Variants in NUP93 observed in about 807,000 individuals in gnomAD.
The protein encoded by NUP93 is nucleoporin 93.
Under a neutral mutation model 107.8 loss-of-function variants are expected in NUP93, and 55 were observed. The observed-to-expected ratio is 0.51, with a 90% CI of 0.41 to 0.64. The LOEUF is 0.64. Ranked by LOEUF, NUP93 falls within the 30% of genes least tolerant of loss-of-function variation. The pLI is 0.00. For synonymous variants in NUP93, 390 were observed against 397.5 expected, an observed-to-expected ratio of 0.98 and a Z score of 0.22; for missense variants, 937 against 1,044.7, an observed-to-expected ratio of 0.90 and a Z score of 1.42.
Position 56,757,471 on chromosome 16 carries a change from C to G in NUP93, c.180-1067C>G, listed in dbSNP as rs113898842. On this transcript the variant is annotated intron_variant, in intron 2 of 21. Transcript: ENST00000308159. ...GAAAATAAAATAAAATAGACTAGAC[C>G]AGACTAGACCCGACCCGACCTGACC... Among the ~76,000 whole-genome samples the G allele has an allele frequency of 4.5e-3, 678 of 152,212 alleles. 5 individuals are homozygous for G. The highest frequency in any genetic ancestry group is 0.016 in the African/African-American group (654 of 41,522).
chr16:56,782,055 G>C (rs1205243860), intron 3 of NUP93: 25 of 985,050 alleles, frequency 2.5e-5, no homozygotes, highest in Non-Finnish European at 3.0e-5. Context: ...TCTTCTCTCT[G>C]TCCTTCTCCC....
intron 20 of NUP93, chr16:56,839,959 C>T (rs186170478): frequency 5.8e-5 from 13 of 225,276 alleles, no homozygotes; most frequent in African/African-American, 3.0e-4. Flanking sequence ...TAAGTAGTTC[C>T]ATTGGGTACG....
At position 56,743,984 on chromosome 16, in the gene NUP93, C is replaced by T. The variant is rs115444624; in HGVS notation, c.-14-4250C>T. On this transcript the variant is annotated intron_variant, in intron 1 of 21. Transcript: ENST00000308159. ...TGCCTTGCCAAAAGATTCCCAATCA[C>T]GCTCAAGGGCTTAGTCACTGCTGTC... Among the ~76,000 whole-genome samples, 488 of 152,272 alleles carry T rather than the reference C, an allele frequency of 3.2e-3. 4 individuals carry two copies. The highest frequency in any genetic ancestry group is 0.011 in the African/African-American group (450 of 41,550).
intron 10 of NUP93, among the ~76,000 whole-genome samples, chr16:56,831,202 G>A (rs1963777917): frequency 6.6e-6 from 1 of 152,118 alleles, no homozygotes; most frequent in Non-Finnish European, 1.5e-5. Flanking sequence ...ATTTTCCTTG[G>A]ATTTTGCTAA....
intron 1 of NUP93, 21 bp from the exon 2 acceptor site, chr16:56,748,213 T>C (rs1363383401): frequency 1.3e-6 from 2 of 1,527,760 alleles, no homozygotes; most frequent in Non-Finnish European, 1.8e-6. Context: ...TTTAGATCTT[T>C]TCATTTTTTC....
At chr16:56,754,948 T>TG (rs1961991570) in intron 2 of NUP93, among the ~76,000 whole-genome samples, 1 of 152,168 alleles carries the variant, frequency 6.6e-6, no homozygotes, top group African/African-American at 2.4e-5. Flanking sequence ...TTTAAACAAG[T>TG]GGGCCACTAC....
At chr16:56,830,745 C>T in intron 10 of NUP93, 60 bp downstream of exon 10, 2 of 1,387,752 alleles carry the variant, frequency 1.4e-6, no homozygotes, top group South Asian at 1.7e-5. Context: ...GGGCATCCTT[C>T]ACTGTCATTA....
chr16:56,832,444 T>G, intron 12 of NUP93, 56 bp downstream of exon 12: 1 of 1,411,686 alleles, frequency 7.1e-7, no homozygotes, highest in African/African-American at 1.4e-5. Flanking sequence ...AGGTGACTAC[T>G]TCAGTTTTCC....
At chr16:56,791,391 C>A (rs1373124652) in intron 3 of NUP93, among the ~76,000 whole-genome samples, 1 of 152,188 alleles carries the variant, frequency 6.6e-6, no homozygotes, top group African/African-American at 2.4e-5. Flanking sequence ...GTGAAAGAAC[C>A]AATGTGAGCA....
At chr16:56,777,663 C>T (rs752847734) in intron 3 of NUP93, among the ~76,000 whole-genome samples, 1 of 152,172 alleles carries the variant, frequency 6.6e-6, no homozygotes. Flanking sequence ...TGGGTCAGGC[C>T]GTCTCATTTT....
intron 3 of NUP93, among the ~76,000 whole-genome samples, chr16:56,760,704 G>T (rs1447543199): frequency 6.6e-6 from 1 of 152,018 alleles, no homozygotes; most frequent in Non-Finnish European, 1.5e-5. Flanking sequence ...CTCCCACCAG[G>T]CCCCACCCCC....
intron 21 of NUP93, among the ~76,000 whole-genome samples, chr16:56,843,323 G>A (rs1964063096): frequency 6.6e-6 from 1 of 152,226 alleles, no homozygotes; most frequent in South Asian, 2.1e-4. Context: ...GGTGCTCTGT[G>A]TGCTGCTTAC....
In NUP93 at chr16:56,792,665, C is replaced by T. The variant is rs8051623; in HGVS notation, c.298-5811C>T. ...GCTAGAACCAGATGTGTGTAACACA[C>T]TTATACCTGGCACAAAGTGATCACC... On this transcript the variant is annotated intron_variant, in intron 3 of 21. Coordinates refer to ENST00000308159, the MANE Select transcript of NUP93 (RefSeq NM_014669.5). Among the ~76,000 whole-genome samples, 1,354 of 152,294 alleles carry T rather than the reference C, an allele frequency of 8.9e-3. 18 individuals carry two copies. The highest frequency in any genetic ancestry group is 0.031 in the African/African-American group (1,278 of 41,538).
In NUP93 at chr16:56,764,268, A is replaced by C. The variant is rs1338764898; in HGVS notation, c.297+5613A>C. On this transcript the variant is annotated intron_variant, in intron 3 of 21. Transcript: ENST00000308159. ...CACTTTGGGAGGCCGAGGCGGGCAG[A>C]TCACTTGAGGTTAGAAGTTCAAGAT... Among the ~76,000 whole-genome samples the C allele has an allele frequency of 7.9e-5, 12 of 152,348 alleles. No individual in the cohort carries two copies. In the East Asian group the frequency reaches 2.3e-3, roughly 29 times the overall value.
At chr16:56,816,420 A>G (rs1596834160) in intron 5 of NUP93, among the ~76,000 whole-genome samples, 2 of 152,084 alleles carry the variant, frequency 1.3e-5, no homozygotes, top group African/African-American at 4.8e-5. Flanking sequence ...GTTGATGTTA[A>G]TCCAGTTGTT....
intron 3 of NUP93, among the ~76,000 whole-genome samples, chr16:56,763,740 A>G (rs187341730): frequency 7.2e-5 from 11 of 152,276 alleles, no homozygotes; most frequent in Admixed American, 6.5e-4. Flanking sequence ...TGAGGAAAAG[A>G]CAAAACTTCC....
rs567214754 is a variant in NUP93 at position 56,807,838 on chromosome 16, T to C, written c.489+2206T>C. On this transcript the variant is annotated intron_variant, in intron 5 of 21. Coordinates refer to ENST00000308159, the MANE Select transcript of NUP93 (RefSeq NM_014669.5). ...GAAATCAAGACCATCCTGGCCAACATGGTGAAACCTGGTCTCTACTAAAAA... is the reference window on the plus strand; with the variant it reads ...GAAATCAAGACCATCCTGGCCAACACGGTGAAACCTGGTCTCTACTAAAAA... Among the ~76,000 whole-genome samples the C allele has an allele frequency of 2.0e-5, 3 of 151,788 alleles. No individual in the cohort carries two copies. In the East Asian group the frequency reaches 5.8e-4, roughly 29 times the overall value.
At chr16:56,761,395 A>G (rs1596778409) in intron 3 of NUP93, among the ~76,000 whole-genome samples, 1 of 152,366 alleles carries the variant, frequency 6.6e-6, no homozygotes, top group East Asian at 1.9e-4. Flanking sequence ...TGGTTATCCA[A>G]GAAGAGTAAA....
At chr16:56,836,554 G>T in intron 16 of NUP93, 47 bp from the exon 17 acceptor site, 1 of 1,126,612 alleles carries the variant, frequency 8.9e-7, no homozygotes. Flanking sequence ...TAATAGCTCT[G>T]TGCACCCGTC....
Sources: allele counts gnomAD v4.1 joint callset (sites outside exome capture counted in the v4.1 genomes callset), GRCh38; gene constraint gnomAD v4.1.1; transcripts MANE v1.5; gene names NCBI Gene and HGNC (gene_info 2026-07-23, HGNC 2026-07-21).